The following EPM2A variants were observed in gnomAD, a reference collection of about 807,000 sequenced individuals.
EPM2A encodes laforin.
In EPM2A, 21 loss-of-function variants were observed where a neutral mutation model predicts 26.5. That is an observed-to-expected ratio of 0.79 (90% CI 0.56 to 1.14). The LOEUF is 1.14. EPM2A is among the 50% of genes most tolerant of loss of function. The probability of loss-of-function intolerance (pLI) is 0.00; values close to 1 mark genes in which losing one functional copy is unlikely to be tolerated. For missense variants in EPM2A, 458 were observed against 440.8 expected (o/e 1.04, Z -0.35); for synonymous variants, 217 against 177.6 (o/e 1.22, Z -1.76).
intron 4 of EPM2A, among the ~76,000 whole-genome samples, chr6:145,390,029 A>G (rs1471882854): frequency 6.6e-6 from 1 of 152,220 alleles, no homozygotes; most frequent in African/African-American, 2.4e-5. Flanking sequence ...TGAAACAGAA[A>G]CAGACAGAGA....
intron 2 of EPM2A, among the ~76,000 whole-genome samples, chr6:145,519,235 CTG>C (rs909005634): frequency 2.0e-5 from 3 of 152,224 alleles, no homozygotes. Flanking sequence ...TACTAGGACT[CTG>C]TATTTTTAGT....
At chr6:145,437,714 G>C (rs1334989600) in intron 4 of EPM2A, among the ~76,000 whole-genome samples, 1 of 152,148 alleles carries the variant, frequency 6.6e-6, no homozygotes, top group Non-Finnish European at 1.5e-5. Flanking sequence ...GTCTACATAT[G>C]AGGGAGCCTA....
chr6:145,597,119 C>T (rs1781356723), intron 2 of EPM2A, among the ~76,000 whole-genome samples: 1 of 151,612 alleles, frequency 6.6e-6, no homozygotes, highest in South Asian at 2.1e-4. Flanking sequence ...TGGTCTCGAT[C>T]TCCTGACCTC....
At chr6:145,690,241 T>C (rs1781188576) in intron 1 of EPM2A, among the ~76,000 whole-genome samples, 1 of 152,074 alleles carries the variant, frequency 6.6e-6, no homozygotes, top group African/African-American at 2.4e-5. Context: ...CCGGGCACGG[T>C]GGCTCACGCC....
chr6:145,580,907 T>A (rs1562390654), intron 2 of EPM2A, among the ~76,000 whole-genome samples: 1 of 152,322 alleles, frequency 6.6e-6, no homozygotes, highest in East Asian at 1.9e-4. Context: ...ATTTTCTTTA[T>A]CCAGACTACC....
intron 4 of EPM2A, among the ~76,000 whole-genome samples, chr6:145,444,042 A>G (rs149011105): frequency 2.7e-4 from 41 of 152,298 alleles, no homozygotes; most frequent in African/African-American, 9.6e-4. Flanking sequence ...CAGCGTAAAA[A>G]TGGACTAATG....
At chr6:145,472,027 G>C (rs765440573) in intron 4 of EPM2A, among the ~76,000 whole-genome samples, 1 of 150,476 alleles carries the variant, frequency 6.6e-6, no homozygotes, top group Admixed American at 6.7e-5. Context: ...GAGAGGAGAG[G>C]GAAGGAGTGG....
At chr6:145,591,230 G>C (rs1781269498) in intron 2 of EPM2A, among the ~76,000 whole-genome samples, 1 of 151,886 alleles carries the variant, frequency 6.6e-6, no homozygotes, top group Non-Finnish European at 1.5e-5. Flanking sequence ...GTATAACATA[G>C]ACATATTTGG....
chr6:145,521,347 C>T (rs1392213778), intron 2 of EPM2A, among the ~76,000 whole-genome samples: 1 of 152,000 alleles, frequency 6.6e-6, no homozygotes, highest in Non-Finnish European at 1.5e-5. Context: ...AATAAAATAG[C>T]CATCTAGTAT....
At chr6:145,584,823 CT>C (rs1781166822) in intron 2 of EPM2A, among the ~76,000 whole-genome samples, 1 of 152,180 alleles carries the variant, frequency 6.6e-6, no homozygotes, top group African/African-American at 2.4e-5. Context: ...AATGCCTTCC[CT>C]CTGAAGATCT....
chr6:145,675,565 G>A (rs1779972992), intron 2 of EPM2A, among the ~76,000 whole-genome samples: 2 of 152,092 alleles, frequency 1.3e-5, no homozygotes, highest in African/African-American at 4.8e-5. Context: ...GATACACATA[G>A]GCTCAAAATA....
rs1366431266 is a variant in EPM2A at position 145,419,189 on chromosome 6, CCCG to C, written c.556-35095_556-35093del. On this transcript the variant is annotated intron_variant, in intron 4 of 4. Coordinates refer to the EPM2A transcript ENST00000638717. ...CAAATTCTGTTAAATGTCCCCCCCC[CCCG>C]CTCCTTTCCCCAGCAGCGCATGGCC... 5.9e-4 allele frequency among the ~76,000 whole-genome samples: 89 copies of C among 150,390 alleles called. 2 individuals carry two copies. The highest frequency in any genetic ancestry group is 2.0e-3 in the African/African-American group (82 of 40,862).
At chr6:145,482,918 A>G (rs1484368346) in intron 4 of EPM2A, among the ~76,000 whole-genome samples, 1 of 151,332 alleles carries the variant, frequency 6.6e-6, no homozygotes, top group African/African-American at 2.4e-5. Flanking sequence ...GCATGAAAGG[A>G]AATTCCTGAA....
chr6:145,462,817 G>T (rs1779342824), intron 4 of EPM2A, among the ~76,000 whole-genome samples: 1 of 152,114 alleles, frequency 6.6e-6, no homozygotes, highest in Non-Finnish European at 1.5e-5. Flanking sequence ...CTTATTTAAA[G>T]CCTCAATAAA....
intron 4 of EPM2A, among the ~76,000 whole-genome samples, chr6:145,435,887 T>C (rs1778983470): frequency 2.0e-5 from 3 of 152,184 alleles, no homozygotes; most frequent in Admixed American, 2.0e-4. Flanking sequence ...TGCACACACA[T>C]ACATAGCATC....
chr6:145,521,981 C>T (rs1205232941), intron 2 of EPM2A, among the ~76,000 whole-genome samples: 5 of 152,176 alleles, frequency 3.3e-5, no homozygotes, highest in African/African-American at 1.2e-4. Flanking sequence ...GAGACGGAGT[C>T]TCCCTCTGTC....
chr6:145,483,052 C>T (rs776239425), intron 4 of EPM2A, among the ~76,000 whole-genome samples: 2 of 152,010 alleles, frequency 1.3e-5, no homozygotes, highest in Non-Finnish European at 2.9e-5. Flanking sequence ...ATTTTCTGTA[C>T]ACTGGCACAG....
intron 4 of EPM2A, among the ~76,000 whole-genome samples, chr6:145,457,620 C>T (rs1779278759): frequency 6.6e-6 from 1 of 151,908 alleles, no homozygotes; most frequent in South Asian, 2.1e-4. Context: ...ATGTATAGAA[C>T]AGTGATGATC....
intron 2 of EPM2A, among the ~76,000 whole-genome samples, chr6:145,580,158 A>G (rs911160438): frequency 6.6e-6 from 1 of 152,312 alleles, no homozygotes; most frequent in Non-Finnish European, 1.5e-5. Context: ...GATTAGATCC[A>G]TACTTCCATC....
Sources: gnomAD v4.1 joint callset for allele counts (sites outside exome capture counted in the v4.1 genomes callset) on GRCh38, gnomAD v4.1.1 for gene constraint, MANE v1.5 for transcripts, NCBI Gene and HGNC (gene_info 2026-07-23, HGNC 2026-07-21) for gene names.